Variants in DPP10 observed in about 807,000 individuals in gnomAD.
The protein encoded by DPP10 is inactive dipeptidyl peptidase 10.
Under a neutral mutation model 120.9 loss-of-function variants are expected in DPP10, and 33 were observed. The ratio of observed to expected loss-of-function variants is 0.27; its 90% CI spans 0.21 to 0.37. The LOEUF is 0.37. Ranked by LOEUF, DPP10 falls within the 10% of genes least tolerant of loss-of-function variation. The pLI is 1.00. For missense variants in DPP10, 816 were observed against 942.8 expected (o/e 0.87, Z 1.76); for synonymous variants, 337 against 326.1 (o/e 1.03, Z -0.36).
At chr2:114,898,817 A>G (rs2106634359) in intron 1 of DPP10, among the ~76,000 whole-genome samples, 1 of 152,298 alleles carries the variant, frequency 6.6e-6, no homozygotes, top group African/African-American at 2.4e-5. Flanking sequence ...TCAAGAAAAG[A>G]ACAGGGTTTT....
chr2:114,629,958 A>G (rs1414760821), intron 1 of DPP10, among the ~76,000 whole-genome samples: 2 of 152,198 alleles, frequency 1.3e-5, no homozygotes, highest in African/African-American at 2.4e-5. Flanking sequence ...ATCTATATAA[A>G]TAAATCTTTA....
chr2:115,408,346 G>C (rs557245518), intron 3 of DPP10, among the ~76,000 whole-genome samples: 2 of 152,272 alleles, frequency 1.3e-5, no homozygotes, highest in Admixed American at 1.3e-4. Flanking sequence ...AATCAGCTGG[G>C]AAAAGGGCAG....
At chr2:115,263,744 C>T (rs866635343) in intron 1 of DPP10, among the ~76,000 whole-genome samples, 1 of 152,154 alleles carries the variant, frequency 6.6e-6, no homozygotes, top group African/African-American at 2.4e-5. Context: ...ATGATTAAGT[C>T]AAGAGTTGCT....
intron 5 of DPP10, among the ~76,000 whole-genome samples, chr2:115,639,547 T>C (rs778239973): frequency 6.6e-6 from 1 of 152,008 alleles, no homozygotes; most frequent in South Asian, 2.1e-4. Context: ...AGAAGGTTTA[T>C]GCAAAGAACC....
intron 1 of DPP10, among the ~76,000 whole-genome samples, chr2:115,095,443 C>T (rs915524517): frequency 7.9e-5 from 12 of 152,048 alleles, no homozygotes; most frequent in African/African-American, 2.7e-4. Context: ...ACTCTACTAA[C>T]CTGGCAGAAC....
At chr2:115,407,825 G>C (rs1386388197) in intron 3 of DPP10, among the ~76,000 whole-genome samples, 2 of 151,968 alleles carry the variant, frequency 1.3e-5, no homozygotes, top group Non-Finnish European at 2.9e-5. Flanking sequence ...CCAGAGTATG[G>C]ACACACAATT....
intron 1 of DPP10, among the ~76,000 whole-genome samples, chr2:115,237,323 A>T (rs2105534068): frequency 6.6e-6 from 1 of 152,252 alleles, no homozygotes; most frequent in African/African-American, 2.4e-5. Flanking sequence ...GAGTGCCATG[A>T]ACCATGTCAG....
intron 1 of DPP10, among the ~76,000 whole-genome samples, chr2:114,527,492 G>T (rs1363845956): frequency 6.6e-6 from 1 of 152,114 alleles, no homozygotes; most frequent in African/African-American, 2.4e-5. Flanking sequence ...TGAACAGTGA[G>T]CCAGAAGTTA....
chr2:114,891,240 C>G lies in DPP10; in HGVS notation c.61-417999C>G, dbSNP rs187239554. Among the ~76,000 whole-genome samples, 1,207 of 152,106 alleles carry G rather than the reference C, an allele frequency of 7.9e-3. 27 individuals carry two copies. Among genetic ancestry groups the G allele is most frequent in the Non-Finnish European group, 6.7e-3 (455 of 68,000 alleles). On this transcript the variant is annotated intron_variant, in intron 1 of 25. Coordinates refer to ENST00000410059, the MANE Select transcript of DPP10 (RefSeq NM_020868.6). Reference sequence around the variant, plus strand: ...CAAGCTGAGTAGAGAAAGAGACTAGCGTCAAGTGGGAGATATTCCAGGGAC... The same window carrying G: ...CAAGCTGAGTAGAGAAAGAGACTAGGGTCAAGTGGGAGATATTCCAGGGAC...
chr2:114,726,105 G>A (rs921149356), intron 1 of DPP10, among the ~76,000 whole-genome samples: 5 of 152,000 alleles, frequency 3.3e-5, no homozygotes, highest in Non-Finnish European at 5.9e-5. Flanking sequence ...GCATAGTGGT[G>A]GGCGCCTGTA....
At chr2:115,689,802 T>C (rs2091210388) in intron 6 of DPP10, 38 bp from the exon 7 acceptor site, 3 of 1,611,522 alleles carry the variant, frequency 1.9e-6, no homozygotes, top group South Asian at 2.2e-5. Flanking sequence ...GGTGTAGATA[T>C]CAGTTTGTTC....
At chr2:115,772,864 A>G (rs13382620) in intron 13 of DPP10, among the ~76,000 whole-genome samples, 5,997 of 152,210 alleles carry the variant, frequency 0.039, 397 homozygotes, top group African/African-American at 0.14. Flanking sequence ...GTTCAGATTC[A>G]TAGGCGTAAG....
intron 1 of DPP10, among the ~76,000 whole-genome samples, chr2:114,469,773 G>T (rs753223507): frequency 6.6e-6 from 1 of 152,102 alleles, no homozygotes; most frequent in Non-Finnish European, 1.5e-5. Flanking sequence ...ATGGCCAAAT[G>T]GTTGAACAGG....
chr2:114,927,347 G>A (rs1031759388), intron 1 of DPP10, among the ~76,000 whole-genome samples: 14 of 150,624 alleles, frequency 9.3e-5, no homozygotes, highest in African/African-American at 3.2e-4. Flanking sequence ...TTGAGGACAT[G>A]TCCATGACAT....
intron 1 of DPP10, among the ~76,000 whole-genome samples, chr2:114,742,171 G>T (rs879943082): frequency 3.9e-5 from 6 of 152,148 alleles, no homozygotes; most frequent in Admixed American, 3.9e-4. Flanking sequence ...AGTCACATTT[G>T]CAAAGAAACA....
intron 3 of DPP10, among the ~76,000 whole-genome samples, chr2:115,476,858 A>G (rs920692278): frequency 1.3e-5 from 2 of 152,226 alleles, no homozygotes; most frequent in Non-Finnish European, 2.9e-5. Flanking sequence ...GGATGGTTCA[A>G]CATATAAAAA....
At chr2:115,748,695 A>G (rs1263454355) in intron 10 of DPP10, among the ~76,000 whole-genome samples, 2 of 152,260 alleles carry the variant, frequency 1.3e-5, no homozygotes, top group African/African-American at 4.8e-5. Flanking sequence ...CTGTAATAGA[A>G]AAAGTTCCCC....
At chr2:115,129,930 C>T (rs572259197) in intron 1 of DPP10, among the ~76,000 whole-genome samples, 11 of 152,268 alleles carry the variant, frequency 7.2e-5, no homozygotes, top group Admixed American at 2.6e-4. Context: ...GGCTGAGGCA[C>T]GTGGTATATA....
intron 3 of DPP10, among the ~76,000 whole-genome samples, chr2:115,348,233 AATAATATG>A (rs2063808693): frequency 6.6e-6 from 1 of 152,096 alleles, no homozygotes; most frequent in East Asian, 1.9e-4. Context: ...TGAATACTAC[AATAATATG>A]TTTATTTCCC....
Sources: gnomAD v4.1 joint callset for allele counts (sites outside exome capture counted in the v4.1 genomes callset) on GRCh38, gnomAD v4.1.1 for gene constraint, MANE v1.5 for transcripts, NCBI Gene and HGNC (gene_info 2026-07-23, HGNC 2026-07-21) for gene names.